SLC38A8: variants seen among roughly 807,000 people sequenced by gnomAD.
The protein encoded by SLC38A8 is solute carrier family 38 member 8.
In SLC38A8, 65 loss-of-function variants were observed where a neutral mutation model predicts 46.0. The observed-to-expected ratio is 1.41, with a 90% CI of 1.16 to 1.74. The LOEUF is 1.74. SLC38A8 is among the 40% of genes most tolerant of loss of function. SLC38A8 has a pLI of 0.00. For missense variants in SLC38A8, 998 were observed against 567.9 expected, an observed-to-expected ratio of 1.76 and a Z score of -7.70; for synonymous variants, 447 against 243.7, an observed-to-expected ratio of 1.83 and a Z score of -7.77.
intron 8 of SLC38A8, among the ~76,000 whole-genome samples, 170 bp downstream of exon 8, chr16:84,016,970 C>G (rs540266427): frequency 1.3e-5 from 2 of 152,300 alleles, no homozygotes; most frequent in African/African-American, 4.8e-5. Flanking sequence ...CACACACTCA[C>G]GGAGTGACTT....
intron 2 of SLC38A8, chr16:84,041,166 G>A (rs537720667): frequency 2.6e-5 from 4 of 152,258 alleles, no homozygotes; most frequent in Admixed American, 6.5e-5. Flanking sequence ...AGAAGAGCGC[G>A]GCGTCCGCGC....
intron 7 of SLC38A8, among the ~76,000 whole-genome samples, chr16:84,019,586 T>C (rs2085072088): frequency 1.3e-5 from 2 of 152,306 alleles, no homozygotes; most frequent in South Asian, 4.1e-4. Context: ...CACAGCATTC[T>C]GTCCCTGAGT....
chr16:84,029,767 G>A (rs1402705998), intron 5 of SLC38A8, among the ~76,000 whole-genome samples: 1 of 152,200 alleles, frequency 6.6e-6, no homozygotes, highest in Admixed American at 6.5e-5. Context: ...CTGACATTTG[G>A]TAACATGACA....
chr16:84,022,694 T>G (rs1028365134), intron 7 of SLC38A8, 81 bp downstream of exon 7: 3 of 1,104,220 alleles, frequency 2.7e-6, no homozygotes, highest in African/African-American at 3.1e-5. Flanking sequence ...CGTGGTAAAC[T>G]CTCTAGAGAG....
intron 2 of SLC38A8, among the ~76,000 whole-genome samples, chr16:84,037,785 C>G (rs7206327): frequency 0.3 from 41,319 of 139,742 alleles, 6,580 homozygotes; most frequent in Middle Eastern, 0.37. Context: ...GAAAAGAAAA[C>G]ATCCCTCTAT....
At chr16:84,027,786 G>C (rs762137165) in intron 6 of SLC38A8, among the ~76,000 whole-genome samples, 1 of 152,222 alleles carries the variant, frequency 6.6e-6, no homozygotes, top group African/African-American at 2.4e-5. Flanking sequence ...GAGGGCTGGA[G>C]GCAAAGGTGA....
chr16:84,028,504 T>G (rs2085193449), intron 6 of SLC38A8, among the ~76,000 whole-genome samples: 1 of 148,406 alleles, frequency 6.7e-6, no homozygotes, highest in Non-Finnish European at 1.5e-5. Context: ...GGAGGTGCAG[T>G]GCAGTGAGCT....
intron 2 of SLC38A8, 99 bp from the exon 3 acceptor site, chr16:84,036,999 C>G (rs552142438): frequency 6.5e-6 from 8 of 1,227,772 alleles, no homozygotes; most frequent in African/African-American, 6.1e-5. Flanking sequence ...GGCTTCTCAT[C>G]CACAGAGGCC....
At chr16:84,019,545 C>G (rs1370229192) in intron 7 of SLC38A8, among the ~76,000 whole-genome samples, 1 of 152,200 alleles carries the variant, frequency 6.6e-6, no homozygotes. Context: ...TTAATTTCAA[C>G]AAGAGTTTTG....
chr16:84,039,744 A>C (rs4782882), intron 2 of SLC38A8, among the ~76,000 whole-genome samples: 1,487 of 16,234 alleles, frequency 0.092, 115 homozygotes, highest in East Asian at 0.18. Context: ...TGAGACCTTC[A>C]AAAAAAAAAA....
chr16:84,014,982 C>A (rs1336442031), intron 9 of SLC38A8, among the ~76,000 whole-genome samples: 1 of 152,172 alleles, frequency 6.6e-6, no homozygotes, highest in Non-Finnish European at 1.5e-5. Flanking sequence ...CCTGTAAGAG[C>A]CTCTACCTGT....
intron 3 of SLC38A8, among the ~76,000 whole-genome samples, chr16:84,034,576 G>T (rs1211348842): frequency 6.6e-6 from 1 of 152,212 alleles, no homozygotes; most frequent in African/African-American, 2.4e-5. Context: ...TCGGTGGGTT[G>T]TTGGCCCTGA....
chr16:84,024,671 CTT>C (rs1280860832), intron 6 of SLC38A8, among the ~76,000 whole-genome samples: 2 of 151,958 alleles, frequency 1.3e-5, no homozygotes, highest in African/African-American at 4.8e-5. Context: ...ATCCTAGTTA[CTT>C]GGGAGGCTAA....
At position 84,036,727 on chromosome 16, in the gene SLC38A8, C is replaced by A. The variant is rs368541973; in HGVS notation, c.363G>T (p.Arg121Ser). Residue 121 changes from arginine (R) to serine (S), a missense_variant, in exon 3 of 11, where the codon AGG becomes AGT. Coordinates refer to ENST00000299709, the MANE Select transcript of SLC38A8 (RefSeq NM_001080442.3). ...NLLMISVAFLRVIGDQLEKLC... is the reference protein window; with the variant it reads ...NLLMISVAFLSVIGDQLEKLC... ...GCTTCTCCAGCTGGTCCCCGATCAC[C>A]CTGAGGAAGGCCACGGAGATCATGA... 2 of 1,614,120 alleles carry A rather than the reference C, an allele frequency of 1.2e-6. No homozygotes were observed. Among genetic ancestry groups the A allele is most frequent in the African/African-American group, 2.7e-5 (2 of 74,954 alleles).
chr16:84,040,834 G>C (rs1421962488), intron 2 of SLC38A8, among the ~76,000 whole-genome samples: 1 of 152,162 alleles, frequency 6.6e-6, no homozygotes, highest in Non-Finnish European at 1.5e-5. Context: ...CATGCATCTT[G>C]TCTGACTTCC....
intron 3 of SLC38A8, among the ~76,000 whole-genome samples, chr16:84,035,526 T>C (rs1351187993): frequency 2.0e-5 from 3 of 152,172 alleles, no homozygotes; most frequent in Non-Finnish European, 4.4e-5. Flanking sequence ...GACCCGACCA[T>C]ATGCTGCCTA....
chr16:84,013,441 T>TTTTTTGTTG (rs1415908960), intron 9 of SLC38A8, among the ~76,000 whole-genome samples: 1 of 141,554 alleles, frequency 7.1e-6, no homozygotes. Context: ...TTTTTTTTTT[T>TTTTTTGTTG]TTTTTTTTGA....
chr16:84,037,860 G>C (rs569236328), intron 2 of SLC38A8, among the ~76,000 whole-genome samples: 2 of 136,038 alleles, frequency 1.5e-5, no homozygotes, highest in Non-Finnish European at 3.0e-5. Flanking sequence ...CCAGGCTGGA[G>C]TGCCATGGCA....
rs555688168 is a variant in SLC38A8, at chr16:84,022,945, C to A, written c.691-56G>T. 64 of 1,288,290 alleles carry A rather than the reference C, an allele frequency of 5.0e-5. No homozygotes were observed. The South Asian group carries it at 7.4e-4, about 15-fold the overall frequency. 79.8% of individuals were successfully genotyped at this position (1,288,290 alleles called of 1,614,324 possible). On this transcript the variant is annotated intron_variant, in intron 6 of 10. Transcript: ENST00000299709. ...CTGGCTTCCCCTGGAACAGGCGATGCGAAAAAAAACTCATATCCAAAAGGC... is the reference window on the plus strand; with the variant it reads ...CTGGCTTCCCCTGGAACAGGCGATGAGAAAAAAAACTCATATCCAAAAGGC...
Sources: allele counts gnomAD v4.1 joint callset (sites outside exome capture counted in the v4.1 genomes callset), GRCh38; gene constraint gnomAD v4.1.1; transcripts MANE v1.5; gene names NCBI Gene and HGNC (gene_info 2026-07-23, HGNC 2026-07-21).